Variants in CARM1 observed in about 807,000 individuals in gnomAD.
CARM1 encodes coactivator associated arginine methyltransferase 1, also known as histone-arginine methyltransferase CARM1.
In CARM1, 14 loss-of-function variants were observed where a neutral mutation model predicts 72.7. The ratio of observed to expected loss-of-function variants is 0.19; its 90% confidence interval spans 0.13 to 0.30. The LOEUF is 0.30. CARM1 is among the 10% of genes least tolerant of loss of function. The pLI is 1.00. For missense variants in CARM1, 432 were observed against 833.7 expected, an observed-to-expected ratio of 0.52 and a Z score of 5.93; for synonymous variants, 333 against 345.5, an observed-to-expected ratio of 0.96 and a Z score of 0.40.
At chr19:10,890,795 A>ATATT (rs1217665879) in intron 1 of CARM1, among the ~76,000 whole-genome samples, 57 of 47,470 alleles carry the variant, frequency 1.2e-3, no homozygotes, top group Non-Finnish European at 1.2e-3. Flanking sequence ...ATATATATAT[A>ATATT]TTTTTTTTTT....
rs557591642 is a variant in CARM1, at chr19:10,922,233, T to A, written c.*476T>A. On this transcript the variant is annotated 3_prime_UTR_variant, in exon 16 of 16. Transcript: ENST00000327064. Reference sequence around the variant, plus strand: ...TATTTTTTTATGAAAAGAACCAGTGTCAATCCGCAGACCCTCTGTGAAGCC... The same window carrying A: ...TATTTTTTTATGAAAAGAACCAGTGACAATCCGCAGACCCTCTGTGAAGCC... 1 of 152,736 alleles carries A rather than the reference T, an allele frequency of 6.5e-6. No homozygotes were observed. The highest frequency in any genetic ancestry group is 1.5e-5 in the Non-Finnish European group (1 of 68,132). 9.5% of individuals were successfully genotyped at this position (152,736 alleles called of 1,614,324 possible).
Position 10,920,659 on chromosome 19 carries a change from A to G in CARM1, c.1335A>G (p.Arg445=), listed in dbSNP as rs752171165. Residue 445 remains arginine (R), a splice_region_variant and synonymous_variant, in exon 12 of 16, where the codon AGA becomes AGG. Coordinates refer to ENST00000327064, the MANE Select transcript of CARM1 (RefSeq NM_199141.2). The surrounding 1 kb of genome is among the most constrained non-coding windows in gnomAD (Gnocchi z 5.3). ...GCCACGGCCTGCACCCTGTCCGCAG[A>G]CAGAGCTACGACATCAGTATTGTGG... ...SGTCLLIANK[R]QSYDISIVAQ... 1.2e-5 allele frequency: 20 copies of G among 1,614,102 alleles called. No homozygotes were observed. Among genetic ancestry groups the G allele is most frequent in the Non-Finnish European group, 1.6e-5 (19 of 1,179,980 alleles).
chr19:10,918,078 A>G (rs955396149), intron 8 of CARM1, among the ~76,000 whole-genome samples: 1 of 152,126 alleles, frequency 6.6e-6, no homozygotes, highest in Non-Finnish European at 1.5e-5. Context: ...TTTTGGTGGT[A>G]TTATGCAAAT....
chr19:10,875,743 A>G (rs2073859639), intron 1 of CARM1, among the ~76,000 whole-genome samples: 3 of 149,962 alleles, frequency 2.0e-5, no homozygotes, highest in South Asian at 4.2e-4. Flanking sequence ...CTTTTCTTAT[A>G]AGGACACTGG....
At chr19:10,883,253 A>G (rs543379928) in intron 1 of CARM1, among the ~76,000 whole-genome samples, 62 of 152,202 alleles carry the variant, frequency 4.1e-4, no homozygotes, top group African/African-American at 1.2e-3. Flanking sequence ...TGAGCCTGCT[A>G]TGTGGCCTGG....
intron 1 of CARM1, 86 bp downstream of exon 1, chr19:10,872,008 A>T: frequency 9.3e-7 from 1 of 1,073,590 alleles, no homozygotes; most frequent in Non-Finnish European, 1.2e-6. Flanking sequence ...AGGGGCCCTG[A>T]GCGCGGGGGC....
chr19:10,916,370 C>CA lies in CARM1; in HGVS notation c.848-36dup, dbSNP rs1359292189. 2.1e-6 allele frequency: 3 copies of CA among 1,419,848 alleles called. No individual in the cohort carries two copies. Among genetic ancestry groups the CA allele is most frequent in the Non-Finnish European group, 3.0e-6 (3 of 1,005,320 alleles). The allele number at this position is 1,419,848 out of a possible 1,614,324, so 88.0% of individuals were successfully genotyped here. ...CTCTGCCAGGCAGTGTGGGATGTGT[C>CA]ACCTGACGCCAGCACCCCTCCCTGC... On this transcript the variant is annotated intron_variant, in intron 6 of 15. Coordinates refer to ENST00000327064, the MANE Select transcript of CARM1 (RefSeq NM_199141.2). This position sits in a 1 kb window ranked among gnomAD's most constrained non-coding sequence, Gnocchi z 4.4.
chr19:10,884,550 G>A (rs762593080), intron 1 of CARM1, among the ~76,000 whole-genome samples: 8 of 151,336 alleles, frequency 5.3e-5, no homozygotes, highest in Middle Eastern at 6.8e-3. Flanking sequence ...GTCCCCAGTT[G>A]CCCCCCCTCC....
chr19:10,885,920 A>C, intron 1 of CARM1, among the ~76,000 whole-genome samples: 1 of 140,086 alleles, frequency 7.1e-6, no homozygotes, highest in Non-Finnish European at 1.5e-5. Context: ...TTTTTGAGAC[A>C]GGGAGTGCAG....
In CARM1 at chr19:10,916,803, T is replaced by C; in HGVS notation, c.1020+26T>C. ...GTGAGTAGGGCCTCCAGGGTACTGC[T>C]GCAGTGATCACTTGCCATTGCTGTG... On this transcript the variant is annotated intron_variant, in intron 8 of 15. Transcript: ENST00000327064. This position sits in a 1 kb window ranked among gnomAD's most constrained non-coding sequence, Gnocchi z 4.4. 6.7e-7 allele frequency: 1 copy of C among 1,498,478 alleles called. No homozygotes were observed. The highest frequency in any genetic ancestry group is 1.9e-4 in the Middle Eastern group (1 of 5,208). 92.8% of individuals were successfully genotyped at this position (1,498,478 alleles called of 1,614,324 possible). A position where few individuals can be genotyped will look rare whatever the true frequency, so the allele number is the denominator to read the frequency against.
At chr19:10,892,106 A>G (rs575112847) in intron 1 of CARM1, among the ~76,000 whole-genome samples, 6 of 152,262 alleles carry the variant, frequency 3.9e-5, no homozygotes, top group African/African-American at 1.2e-4. Flanking sequence ...TTAACATGTC[A>G]GTGTGTACCG....
Position 10,913,960 on chromosome 19 carries a change from G to A in CARM1, c.753G>A (p.Val251=), listed in dbSNP as rs767919685. The change falls in exon 6 of 16, where the codon GTG becomes GTA. Residue 251 remains valine, a synonymous_variant. Transcript: ENST00000327064. The part of the protein sequence containing the change: ...KVEEVSLPEQ[V]DIIISEPMGY... ...AGGAGGTGTCACTCCCCGAGCAGGT[G>A]GACATCATCATCTCGGAGCCCATGG... is the stretch of plus-strand genomic sequence containing the variant. The A allele has an allele frequency of 6.2e-7, 1 of 1,613,858 alleles. No homozygotes were observed. The highest frequency in any genetic ancestry group is 1.7e-5 in the Admixed American group (1 of 60,014).
chr19:10,916,655 T>G lies in CARM1; in HGVS notation c.939-41T>G. ...GCAGGGCTACCCCACCTGCCTCTTC[T>G]GCAGCCCTGACCTTGCTGTGGGGGT... On this transcript the variant is annotated intron_variant, in intron 7 of 15. Transcript: ENST00000327064. The surrounding 1 kb of genome is among the most constrained non-coding windows in gnomAD (Gnocchi z 4.4). 1 of 1,534,858 alleles carries G rather than the reference T, an allele frequency of 6.5e-7. No homozygotes were observed. Among genetic ancestry groups the G allele is most frequent in the Non-Finnish European group, 8.9e-7 (1 of 1,127,522 alleles).
rs369115441 is a variant in CARM1, at chr19:10,912,005, G to A, written c.559-179G>A. 1.2e-4 allele frequency among the ~76,000 whole-genome samples: 18 copies of A among 152,304 alleles called. No homozygotes were observed. The highest frequency in any genetic ancestry group is 2.0e-4 in the Admixed American group (3 of 15,292). On this transcript the variant is annotated intron_variant, in intron 4 of 15. Transcript: ENST00000327064. The surrounding 1 kb of genome is among the most constrained non-coding windows in gnomAD (Gnocchi z 4.5). ...GAGCTTCCCCAGGGCTTCTCCTCCC[G>A]GAGGACTGGCCCATGGCTCATCTTG...
intron 1 of CARM1, among the ~76,000 whole-genome samples, chr19:10,875,381 C>T (rs1013926054): frequency 9.2e-5 from 14 of 151,690 alleles, no homozygotes; most frequent in East Asian, 7.7e-4. Context: ...AGGCTGGTCT[C>T]GAACTCCTAG....
intron 1 of CARM1, among the ~76,000 whole-genome samples, chr19:10,872,765 G>C (rs1276348224): frequency 2.0e-5 from 3 of 151,554 alleles, no homozygotes; most frequent in Admixed American, 1.3e-4. Flanking sequence ...TCTTCTTCTT[G>C]TTACTCCTTC....
Position 10,919,973 on chromosome 19 carries a change from GC to G in CARM1, c.1196+9del. ...TTGCTTTCATCGGCTCCATGTGAGT[GC>G]CGCAGAGCAGCCCATGCTGCCTCCT... is the stretch of plus-strand genomic sequence containing the variant. On this transcript the variant is annotated splice_region_variant and intron_variant, in intron 10 of 15. Transcript: ENST00000327064. 1 of 1,611,310 alleles carries G rather than the reference GC, an allele frequency of 6.2e-7. No individual in the cohort carries two copies. Among genetic ancestry groups the G allele is most frequent in the Non-Finnish European group, 8.5e-7 (1 of 1,177,756 alleles).
chr19:10,895,690 G>A (rs1405069107), intron 1 of CARM1, among the ~76,000 whole-genome samples: 4 of 152,212 alleles, frequency 2.6e-5, no homozygotes, highest in African/African-American at 9.6e-5. Context: ...AAGAGGCTGG[G>A]CTGCCCCTGC....
intron 1 of CARM1, among the ~76,000 whole-genome samples, chr19:10,889,305 C>A (rs2073964244): frequency 6.6e-6 from 1 of 151,588 alleles, no homozygotes; most frequent in African/African-American, 2.4e-5. Context: ...TGTCACTGCG[C>A]AATTTGAGAA....
Sources: gnomAD v4.1 joint callset for allele counts (sites outside exome capture counted in the v4.1 genomes callset) on GRCh38, gnomAD v4.1.1 for gene constraint, Gnocchi (gnomAD v3.1) non-coding constraint, MANE v1.5 for transcripts, NCBI Gene and HGNC (gene_info 2026-07-23, HGNC 2026-07-21) for gene names.